SRGAP2C: variants seen among roughly 807,000 people sequenced by gnomAD.
SRGAP2C encodes SLIT-ROBO Rho GTPase-activating protein 2C.
In SRGAP2C, 15 loss-of-function variants were observed where a neutral mutation model predicts 25.1. The ratio of observed to expected loss-of-function variants is 0.60; its 90% CI spans 0.40 to 0.92. The LOEUF is 0.92. SRGAP2C is among the 40% of genes least tolerant of loss of function. The probability of loss-of-function intolerance (pLI) is 0.00; values close to 1 mark genes in which losing one functional copy is unlikely to be tolerated. For missense variants in SRGAP2C, 144 were observed against 264.4 expected, an observed-to-expected ratio of 0.54 and a Z score of 3.16; for synonymous variants, 44 against 96.6, an observed-to-expected ratio of 0.46 and a Z score of 3.19.
Position 121,264,002 on chromosome 1 carries a change from G to C in SRGAP2C, c.68-20801G>C, listed in dbSNP as rs587746703. ...GAAAAGTGACCTTTAAATGGTGTGA[G>C]GTGGGTAGGCAGGGGATAAATTCTT... On this transcript the variant is annotated intron_variant, in intron 2 of 9. Transcript: ENST00000367123. 2.6e-5 allele frequency among the ~76,000 whole-genome samples: 4 copies of C among 152,050 alleles called. No individual in the cohort carries two copies. The East Asian group carries it at 5.8e-4, about 22-fold the overall frequency.
intron 2 of SRGAP2C, among the ~76,000 whole-genome samples, chr1:121,192,375 GA>G (rs1464185019): frequency 6.6e-6 from 1 of 151,866 alleles, no homozygotes; most frequent in East Asian, 2.0e-4. Flanking sequence ...TTGCTCAGGG[GA>G]AAAAACAACA....
At chr1:121,321,851 C>T (rs1334817704) in intron 3 of SRGAP2C, among the ~76,000 whole-genome samples, 5 of 150,168 alleles carry the variant, frequency 3.3e-5, no homozygotes, top group East Asian at 1.9e-4. Flanking sequence ...TGCATCCTTT[C>T]CCATGGTGTT....
At chr1:121,216,253 T>C (rs1386467231) in intron 2 of SRGAP2C, among the ~76,000 whole-genome samples, 1 of 152,022 alleles carries the variant, frequency 6.6e-6, no homozygotes, top group Non-Finnish European at 1.5e-5. Flanking sequence ...TGCTCATGTC[T>C]GCAAAGAGGG....
chr1:121,202,720 C>A (rs1655016086), intron 2 of SRGAP2C, among the ~76,000 whole-genome samples: 1 of 152,068 alleles, frequency 6.6e-6, no homozygotes, highest in Admixed American at 6.5e-5. Flanking sequence ...AGCCACCGTA[C>A]CTGGCCTATA....
At chr1:121,295,816 C>T (rs1316110182) in intron 3 of SRGAP2C, among the ~76,000 whole-genome samples, 1 of 151,912 alleles carries the variant, frequency 6.6e-6, no homozygotes, top group African/African-American at 2.4e-5. Context: ...GGCTGGAGTG[C>T]AATGGCACGA....
At chr1:121,211,361 G>T (rs1276918743) in intron 2 of SRGAP2C, among the ~76,000 whole-genome samples, 1 of 141,332 alleles carries the variant, frequency 7.1e-6, no homozygotes, top group African/African-American at 2.6e-5. Flanking sequence ...TCTACAACAG[G>T]CAGTTGCAGC....
In SRGAP2C at chr1:121,273,818, G is replaced by C. The variant is rs587670313; in HGVS notation, c.68-10985G>C. ...TGTTGACATGACTGCTGATTGAATA[G>C]GTCACTCCAAGTCTCATGCTTCAGT... On this transcript the variant is annotated intron_variant, in intron 2 of 9. Coordinates refer to ENST00000367123, the MANE Select transcript of SRGAP2C (RefSeq NM_001329984.2). Among the ~76,000 whole-genome samples, 4 of 151,726 alleles carry C rather than the reference G, an allele frequency of 2.6e-5. 1 individual carries two copies. Among genetic ancestry groups the C allele is most frequent in the Non-Finnish European group, 4.4e-5 (3 of 67,818 alleles).
At chr1:121,201,520 C>A (rs1460881987) in intron 2 of SRGAP2C, among the ~76,000 whole-genome samples, 2 of 152,154 alleles carry the variant, frequency 1.3e-5, no homozygotes, top group East Asian at 3.8e-4. Flanking sequence ...AAGTTTCTAA[C>A]CTTCTCTTGT....
At position 121,391,324 on chromosome 1, in the gene SRGAP2C, C is replaced by T. The variant is rs1570845574; in HGVS notation, c.*3469C>T. 6.6e-6 allele frequency: 1 copy of T among 151,936 alleles called. No homozygotes were observed. Among genetic ancestry groups the T allele is most frequent in the Non-Finnish European group, 1.5e-5 (1 of 67,898 alleles). The allele number at this position is 151,936 out of a possible 1,614,324, so 9.4% of individuals were successfully genotyped here. ...ACAAATGTCATAAGAAGACCCTACA[C>T]TTTTACCTTGGCCGATCCCTCCCCT... On this transcript the variant is annotated 3_prime_UTR_variant, in exon 10 of 10. Coordinates refer to ENST00000367123, the MANE Select transcript of SRGAP2C (RefSeq NM_001329984.2).
At chr1:121,222,016 T>C (rs1381043676) in intron 2 of SRGAP2C, among the ~76,000 whole-genome samples, 2 of 152,036 alleles carry the variant, frequency 1.3e-5, no homozygotes, top group Non-Finnish European at 2.9e-5. Flanking sequence ...ATATCCAGTT[T>C]CTGCTTGCCT....
At chr1:121,195,313 G>A (rs1553320428) in intron 2 of SRGAP2C, among the ~76,000 whole-genome samples, 1 of 151,778 alleles carries the variant, frequency 6.6e-6, no homozygotes, top group African/African-American at 2.4e-5. Context: ...AGGAGGCTGA[G>A]GGAGGAGAAT....
intron 2 of SRGAP2C, among the ~76,000 whole-genome samples, chr1:121,239,178 CTATATATATATA>C (rs1213775206): frequency 5.0e-4 from 3 of 6,056 alleles, no homozygotes; most frequent in South Asian, 0.011. Flanking sequence ...GGAAAGCAGA[CTATATATATATA>C]TATATATATA....
At chr1:121,207,497 G>T (rs1247037730) in intron 2 of SRGAP2C, among the ~76,000 whole-genome samples, 1 of 152,076 alleles carries the variant, frequency 6.6e-6, no homozygotes, top group African/African-American at 2.4e-5. Context: ...CCTGGGGAGT[G>T]TGGGAGAGGC....
At chr1:121,332,569 T>C (rs1658455219) in intron 4 of SRGAP2C, among the ~76,000 whole-genome samples, 1 of 152,068 alleles carries the variant, frequency 6.6e-6, no homozygotes, top group African/African-American at 2.4e-5. Flanking sequence ...ATGTTAAACA[T>C]GTCCTTTTGC....
At position 121,324,548 on chromosome 1, in the gene SRGAP2C, A is replaced by G; in HGVS notation, c.331A>G (p.Arg111Gly). ...LLLNQVKWESRDHTTLSDIYL... is the reference protein window; with the variant it reads ...LLLNQVKWESGDHTTLSDIYL... ...CTTAAACCAGGTGAAGTGGGAAAGC[A>G]GGGACCATACCACCCTGAGTGACAT... The change falls in exon 4 of 10, where the codon AGG (arginine) becomes GGG (glycine). Residue 111 changes from arginine to glycine, a missense_variant. Coordinates refer to ENST00000367123, the MANE Select transcript of SRGAP2C (RefSeq NM_001329984.2). 6.2e-7 allele frequency: 1 copy of G among 1,613,074 alleles called. No individual in the cohort carries two copies. The highest frequency in any genetic ancestry group is 1.7e-5 in the Admixed American group (1 of 59,990).
Position 121,244,104 on chromosome 1 carries a change from T to TA in SRGAP2C, c.68-40686dup, listed in dbSNP as rs587681644. On this transcript the variant is annotated intron_variant, in intron 2 of 9. Coordinates refer to ENST00000367123, the MANE Select transcript of SRGAP2C (RefSeq NM_001329984.2). ...CTGTAAGAGACTGACTGGTGGAGAT[T>TA]AAAAAAAAAAAAAGCTTGTCTGGCA... Among the ~76,000 whole-genome samples, 197 of 98,032 alleles carry TA rather than the reference T, an allele frequency of 2.0e-3. 1 individual carries two copies. The highest frequency in any genetic ancestry group is 7.0e-3 in the African/African-American group (156 of 22,230). The allele number at this position is 98,032 out of a possible 152,430, so 64.3% of individuals were successfully genotyped here.
chr1:121,207,560 G>A (rs1299037033), intron 2 of SRGAP2C, among the ~76,000 whole-genome samples: 67 of 152,172 alleles, frequency 4.4e-4, no homozygotes, highest in Non-Finnish European at 6.6e-4. Context: ...AGGGTGTGGA[G>A]GCAGAAGTGG....
intron 7 of SRGAP2C, among the ~76,000 whole-genome samples, chr1:121,379,099 T>C (rs1659745744): frequency 6.6e-6 from 1 of 152,234 alleles, no homozygotes; most frequent in Non-Finnish European, 1.5e-5. Context: ...AAGTGCCGTG[T>C]ACATGTATGG....
chr1:121,321,789 C>T (rs1478975111), intron 3 of SRGAP2C, among the ~76,000 whole-genome samples: 1 of 152,044 alleles, frequency 6.6e-6, no homozygotes, highest in Non-Finnish European at 1.5e-5. Context: ...TTTATTGACC[C>T]ATCTTTGTTC....
Sources: gnomAD v4.1 joint callset for allele counts (sites outside exome capture counted in the v4.1 genomes callset) on GRCh38, gnomAD v4.1.1 for gene constraint, MANE v1.5 for transcripts, NCBI Gene and HGNC (gene_info 2026-07-23, HGNC 2026-07-21) for gene names.